The following PTPRD variants were observed in gnomAD, a reference collection of about 807,000 sequenced individuals.
The protein encoded by PTPRD is protein tyrosine phosphatase receptor type D, also known as receptor-type tyrosine-protein phosphatase delta.
In PTPRD, 34 loss-of-function variants were observed where a neutral mutation model predicts 214.5. The observed-to-expected ratio is 0.16, with a 90% CI of 0.12 to 0.21. The LOEUF is 0.21. Ranked by LOEUF, PTPRD falls within the 10% of genes least tolerant of loss-of-function variation. PTPRD has a pLI of 1.00. For missense variants in PTPRD, 2,545 were observed against 2,398.7 expected, an observed-to-expected ratio of 1.06 and a Z score of -1.27; for synonymous variants, 1,128 against 845.7, an observed-to-expected ratio of 1.33 and a Z score of -5.79.
intron 13 of PTPRD, among the ~76,000 whole-genome samples, chr9:8,635,742 C>T (rs950005060): frequency 5.3e-5 from 8 of 152,110 alleles, no homozygotes. Context: ...AGGTGAGTTT[C>T]ACAATTTCAG....
At chr9:8,878,705 AT>A (rs759474806) in intron 11 of PTPRD, among the ~76,000 whole-genome samples, 7 of 151,834 alleles carry the variant, frequency 4.6e-5, no homozygotes, top group Non-Finnish European at 8.8e-5. Context: ...CTTGTTTTTT[AT>A]TTTTATTTTT....
intron 5 of PTPRD, among the ~76,000 whole-genome samples, chr9:9,810,299 G>A (rs1228520434): frequency 6.6e-6 from 1 of 151,966 alleles, no homozygotes; most frequent in African/African-American, 2.4e-5. Context: ...AGTCAATGTA[G>A]ACAAAATAGC....
At chr9:9,068,314 T>C (rs324511) in intron 10 of PTPRD, among the ~76,000 whole-genome samples, 80,394 of 152,064 alleles carry the variant, frequency 0.53, 21,306 homozygotes, top group East Asian at 0.58. Flanking sequence ...TGAACATTTA[T>C]GTACAGGTCT....
intron 14 of PTPRD, among the ~76,000 whole-genome samples, chr9:8,559,773 C>G (rs1026823712): frequency 1.3e-5 from 2 of 152,244 alleles, no homozygotes; most frequent in Non-Finnish European, 2.9e-5. Context: ...TTAGCTCTCA[C>G]AGCTTTAATT....
At chr9:9,022,571 G>T (rs2099573558) in intron 10 of PTPRD, among the ~76,000 whole-genome samples, 2 of 152,120 alleles carry the variant, frequency 1.3e-5, no homozygotes, top group South Asian at 4.1e-4. Context: ...GTAGTAGGTT[G>T]AGCCATCTAG....
At chr9:10,432,886 G>T (rs1015129495) in intron 2 of PTPRD, among the ~76,000 whole-genome samples, 1 of 151,844 alleles carries the variant, frequency 6.6e-6, no homozygotes, top group African/African-American at 2.4e-5. Context: ...TGCTCATAGT[G>T]TCCAGTGTTC....
intron 8 of PTPRD, among the ~76,000 whole-genome samples, chr9:9,410,284 T>A (rs1357200284): frequency 1.3e-5 from 2 of 152,150 alleles, no homozygotes; most frequent in East Asian, 3.9e-4. Context: ...CAGACAGAAA[T>A]TATATTAAAA....
At chr9:8,773,936 A>G (rs1035155115) in intron 11 of PTPRD, among the ~76,000 whole-genome samples, 4 of 152,130 alleles carry the variant, frequency 2.6e-5, no homozygotes, top group Non-Finnish European at 5.9e-5. Context: ...CTTTCCTTAC[A>G]TGACACACTT....
At chr9:8,347,650 A>C (rs148957579) in intron 39 of PTPRD, among the ~76,000 whole-genome samples, 35 of 152,240 alleles carry the variant, frequency 2.3e-4, no homozygotes, top group Non-Finnish European at 4.3e-4. Context: ...CCCCAGTGTG[A>C]CTGTATTGGA....
chr9:9,330,061 T>C (rs34153720), intron 9 of PTPRD, among the ~76,000 whole-genome samples: 17,854 of 152,120 alleles, frequency 0.12, 1,093 homozygotes, highest in Middle Eastern at 0.2. Context: ...TGGGTTTACG[T>C]AGAGAAACAT....
chr9:10,456,697 T>G (rs187613892), intron 2 of PTPRD, among the ~76,000 whole-genome samples: 3 of 151,916 alleles, frequency 2.0e-5, no homozygotes, highest in Admixed American at 2.0e-4. Context: ...CAGTGTGTTT[T>G]CTTTTCTTAC....
At chr9:10,030,162 G>T (rs1375322752) in intron 4 of PTPRD, among the ~76,000 whole-genome samples, 2 of 152,138 alleles carry the variant, frequency 1.3e-5, no homozygotes, top group Non-Finnish European at 2.9e-5. Context: ...AATTGCCACA[G>T]TCACAGGTAT....
intron 14 of PTPRD, among the ~76,000 whole-genome samples, chr9:8,615,676 T>C (rs1031581113): frequency 2.0e-5 from 3 of 152,102 alleles, no homozygotes; most frequent in African/African-American, 7.2e-5. Flanking sequence ...TCAGTGGCTT[T>C]TCCTGTCTTT....
chr9:8,730,255 CA>C (rs1251030622), intron 12 of PTPRD, among the ~76,000 whole-genome samples: 1 of 148,576 alleles, frequency 6.7e-6, no homozygotes, highest in South Asian at 2.1e-4. Flanking sequence ...GACTCTGTCT[CA>C]AAAAAAGAAA....
At chr9:9,510,477 G>A (rs980283198) in intron 8 of PTPRD, among the ~76,000 whole-genome samples, 2 of 151,258 alleles carry the variant, frequency 1.3e-5, no homozygotes, top group Non-Finnish European at 3.0e-5. Flanking sequence ...AAGAGGGATA[G>A]TTAGTTGCTT....
At chr9:10,097,626 A>G (rs1159560565) in intron 3 of PTPRD, among the ~76,000 whole-genome samples, 4 of 151,910 alleles carry the variant, frequency 2.6e-5, no homozygotes, top group African/African-American at 9.6e-5. Flanking sequence ...TATCAGCTTA[A>G]GGAGATTTTG....
At chr9:8,331,409 ATTTTCACT>A (rs554387982) in intron 44 of PTPRD, among the ~76,000 whole-genome samples, 165 bp downstream of exon 44, 2 of 47,224 alleles carry the variant, frequency 4.2e-5, no homozygotes, top group African/African-American at 1.8e-3. Flanking sequence ...TCCTCTGATT[ATTTTCACT>A]TATTTTCACT....
chr9:9,306,626 G>A (rs1035815652), intron 9 of PTPRD, among the ~76,000 whole-genome samples: 3 of 148,080 alleles, frequency 2.0e-5, no homozygotes, highest in African/African-American at 5.0e-5. Context: ...AATATCCTCT[G>A]AATATACTTG....
chr9:9,781,389 A>C (rs2098841522), intron 5 of PTPRD, among the ~76,000 whole-genome samples: 1 of 152,220 alleles, frequency 6.6e-6, no homozygotes, highest in South Asian at 2.1e-4. Flanking sequence ...ATTCGATAAA[A>C]ATACGCAAAA....
Sources: allele counts gnomAD v4.1 joint callset (sites outside exome capture counted in the v4.1 genomes callset), GRCh38; gene constraint gnomAD v4.1.1; transcripts MANE v1.5; gene names NCBI Gene and HGNC (gene_info 2026-07-23, HGNC 2026-07-21).